Variants in NEB observed in about 807,000 individuals in gnomAD.
The protein encoded by NEB is nebulin.
NEB carries 512 observed loss-of-function variants against 952.2 expected under a neutral mutation model. The ratio of observed to expected loss-of-function variants is 0.54; its 90% CI spans 0.50 to 0.58. NEB has a LOEUF of 0.58. Among genes scored for constraint, NEB ranks in the 20% least tolerant of loss-of-function variants. The pLI is 0.00. For synonymous variants in NEB, 2,900 were observed against 3,149.8 expected (o/e 0.92, Z 2.66); for missense variants, 8,428 against 9,231.1 (o/e 0.91, Z 3.56).
intron 10 of NEB, among the ~76,000 whole-genome samples, chr2:151,713,106 C>T (rs1213204803): frequency 6.6e-6 from 1 of 152,120 alleles, no homozygotes; most frequent in Non-Finnish European, 1.5e-5. Flanking sequence ...TTGTTTCCCT[C>T]CTCCTCAGAG....
intron 136 of NEB, among the ~76,000 whole-genome samples, chr2:151,541,244 G>A (rs557976927): frequency 6.6e-6 from 1 of 152,198 alleles, no homozygotes; most frequent in Non-Finnish European, 1.5e-5. Flanking sequence ...GAAAGAAGAT[G>A]TGGCATCCCT....
intron 126 of NEB, 27 bp downstream of exon 126, chr2:151,553,801 G>A: frequency 6.3e-7 from 1 of 1,585,282 alleles, no homozygotes; most frequent in South Asian, 1.2e-5. Context: ...GGGCCGTGGA[G>A]GGGTACTTCT....
At chr2:151,721,524 T>A (rs939588858) in intron 9 of NEB, among the ~76,000 whole-genome samples, 1 of 152,230 alleles carries the variant, frequency 6.6e-6, no homozygotes, top group Admixed American at 6.5e-5. Context: ...CCACATGGCC[T>A]TCTCTGATTA....
chr2:151,710,855 A>G (rs2099742958), intron 10 of NEB, among the ~76,000 whole-genome samples: 1 of 152,212 alleles, frequency 6.6e-6, no homozygotes, highest in Non-Finnish European at 1.5e-5. Flanking sequence ...TCCTCTATTT[A>G]TATTTCAGTT....
chr2:151,665,484 A>G lies in NEB; in HGVS notation c.5087T>C (p.Ile1696Thr), dbSNP rs937014596. Reference sequence around the variant, plus strand: ...TGCCTTCTCCACCTCCAGGGACTCTATGGGCACCCAGCCGATCCCTTTCAT... The same window carrying G: ...TGCCTTCTCCACCTCCAGGGACTCTGTGGGCACCCAGCCGATCCCTTTCAT... ...NWMKGIGWVPIESLEVEKAKK... is the reference protein window; with the variant it reads ...NWMKGIGWVPTESLEVEKAKK... Residue 1696 changes from isoleucine (I) to threonine (T), a missense_variant, in exon 42 of 182, where the codon ATA (isoleucine) becomes ACA (threonine). By Grantham distance (89) the Ile-to-Thr change is moderately conservative (BLOSUM62 -1). Transcript: ENST00000397345. 9 of 1,612,502 alleles carry G rather than the reference A, an allele frequency of 5.6e-6. No homozygotes were observed. Among genetic ancestry groups the G allele is most frequent in the Non-Finnish European group, 7.6e-6 (9 of 1,179,416 alleles).
chr2:151,514,778 T>C (rs1332788454), intron 158 of NEB, 40 bp downstream of exon 158: 1 of 1,350,062 alleles, frequency 7.4e-7, no homozygotes, highest in Non-Finnish European at 1.0e-6. Context: ...AGTGCAATTA[T>C]TTGGATTAAG....
Position 151,549,733 on chromosome 2 carries a change from T to C in NEB, c.19952A>G (p.Tyr6651Cys), listed in dbSNP as rs1230676798. ...HAYKLQSSNL[Y>C]KTSLRTLPTG... is the part of the protein sequence containing the mutation. Reference sequence around the variant, plus strand: ...GGGCAGGGTGCGCAGGCTGGTTTTGTATAGATTCTGCAGGAATGAGGAAGA... The same window carrying C: ...GGGCAGGGTGCGCAGGCTGGTTTTGCATAGATTCTGCAGGAATGAGGAAGA... The change falls in exon 130 of 182, where the codon TAC becomes TGC. Residue 6651 changes from tyrosine (Y) to cysteine (C), a missense_variant. This residue lies in a region of NEB where 3,374 missense variants were observed against 3,651.5 expected (regional missense o/e 0.92). Transcript: ENST00000397345. 1 of 1,577,398 alleles carries C rather than the reference T, an allele frequency of 6.3e-7. No homozygotes were observed. The highest frequency in any genetic ancestry group is 8.6e-7 in the Non-Finnish European group (1 of 1,159,044).
intron 171 of NEB, 67 bp from the exon 172 acceptor site, chr2:151,497,100 G>GGGTAA (rs1207657643): frequency 1.7e-5 from 26 of 1,513,170 alleles, no homozygotes; most frequent in Non-Finnish European, 2.0e-5. Flanking sequence ...AAGGTTTTAA[G>GGGTAA]GGTAAGGTCA....
In NEB at chr2:151,527,406, T is replaced by C. The variant is rs557311446; in HGVS notation, c.21840+75A>G. 6 of 1,129,452 alleles carry C rather than the reference T, an allele frequency of 5.3e-6. 1 individual carries two copies. The South Asian group carries it at 7.3e-5, about 14-fold the overall frequency. The allele number at this position is 1,129,452 out of a possible 1,614,324, so 70.0% of individuals were successfully genotyped here. Reference sequence around the variant, plus strand: ...AAGGGTTAACACTCATGATAGTGGTTATTATAAATAATTATTCATTGTATT... The same window carrying C: ...AAGGGTTAACACTCATGATAGTGGTCATTATAAATAATTATTCATTGTATT... On this transcript the variant is annotated intron_variant, in intron 147 of 181. Coordinates refer to ENST00000397345, the MANE Select transcript of NEB (RefSeq NM_001164508.2).
Position 151,633,721 on chromosome 2 carries a change from T to C in NEB, c.9347A>G (p.Glu3116Gly). ...GCTCTGGTCAGGCAGGCATGTCCAC[T>C]CGTGCAGGTAGTTCTTATAGTCCAC... ...SDVDYKNYLH[E>G]WTCLPDQSDV... The change falls in exon 65 of 182, where the codon GAG (glutamate) becomes GGG (glycine). Residue 3116 changes from glutamate to glycine, a missense_variant. Physicochemically the swap from Glu to Gly is moderately conservative, Grantham distance 98. Around this residue, in one of 11 missense-constraint regions of NEB, gnomAD observed 1,772 missense variants for 1,960.3 expected, o/e 0.90. Transcript: ENST00000397345. The C allele has an allele frequency of 1.9e-6, 3 of 1,613,998 alleles. No homozygotes were observed. The highest frequency in any genetic ancestry group is 2.5e-6 in the Non-Finnish European group (3 of 1,179,892).
chr2:151,551,347 T>C (rs573812402), intron 129 of NEB, among the ~76,000 whole-genome samples: 2 of 152,256 alleles, frequency 1.3e-5, no homozygotes, highest in East Asian at 3.9e-4. Flanking sequence ...TAACATAGAA[T>C]AGGTAGGTTA....
At chr2:151,660,699 C>T (rs1032311796) in intron 46 of NEB, among the ~76,000 whole-genome samples, 2 of 152,156 alleles carry the variant, frequency 1.3e-5, no homozygotes, top group African/African-American at 2.4e-5. Context: ...CTCAACTCTG[C>T]TGTTGTAGTC....
At position 151,524,654 on chromosome 2, in the gene NEB, CTTTTTTTTTTTTTTT is replaced by C. The variant is rs5835371; in HGVS notation, c.22273-53_22273-39del. The C allele has an allele frequency of 2.7e-4, 70 of 257,384 alleles. 2 individuals carry two copies. The highest frequency in any genetic ancestry group is 1.5e-3 in the Middle Eastern group (1 of 684). The allele number at this position is 257,384 out of a possible 1,614,324, so 15.9% of individuals were successfully genotyped here. On this transcript the variant is annotated intron_variant, in intron 151 of 181. Transcript: ENST00000397345. Reference sequence around the variant, plus strand: ...AGAAAATGTTTACTCAAGAGAGAGGCTTTTTTTTTTTTTTTTTTTTTTTTTTTTTTGAGATGGAAT... The same window carrying C: ...AGAAAATGTTTACTCAAGAGAGAGGCTTTTTTTTTTTTTTTGAGATGGAAT...
At position 151,704,604 on chromosome 2, in the gene NEB, G is replaced by A. The variant is rs142705808; in HGVS notation, c.1152+2277C>T. 7.0e-3 allele frequency among the ~76,000 whole-genome samples: 1,069 copies of A among 152,322 alleles called. 19 individuals are homozygous for A. Among genetic ancestry groups the A allele is most frequent in the East Asian group, 0.062 (320 of 5,174 alleles). The stretch of plus-strand genomic sequence containing the variant: ...CCGGTCAGAAAAGCGCAATATTCGG[G>A]AGGGAGTGACCCGATTTTCCAGGTG... On this transcript the variant is annotated intron_variant, in intron 13 of 181. Transcript: ENST00000397345.
rs2098817739 is a variant in NEB, at chr2:151,639,289, G to A, written c.8985C>T (p.Asn2995=). The A allele has an allele frequency of 1.3e-6, 2 of 1,539,260 alleles. No homozygotes were observed. The highest frequency in any genetic ancestry group is 1.7e-6 in the Non-Finnish European group (2 of 1,145,054). Residue 2995 remains asparagine, a synonymous_variant, in exon 63 of 182, where the codon AAC becomes AAT. Transcript: ENST00000397345. ...AAGAATCTGCTCTCACCTCACTGTA[G>A]TTGATTTTGTTCATTCTTGCCAACA... The part of the protein sequence containing the change: ...EIMLARMNKI[N]YSESLYKLAN...
intron 73 of NEB, 66 bp downstream of exon 73, chr2:151,619,385 G>T: frequency 6.9e-7 from 1 of 1,458,614 alleles, no homozygotes; most frequent in Non-Finnish European, 9.3e-7. Context: ...ATTGGCACTA[G>T]TCAGAACTCA....
intron 168 of NEB, among the ~76,000 whole-genome samples, chr2:151,501,041 T>TTTTC: frequency 6.6e-6 from 1 of 152,332 alleles, no homozygotes; most frequent in Non-Finnish European, 1.5e-5. Context: ...GTCCAGTATC[T>TTTTC]TTTCTTGCAT....
rs931986294 is a variant in NEB, at chr2:151,526,817, G to A, written c.21945+101C>T. On this transcript the variant is annotated intron_variant, in intron 148 of 181. Transcript: ENST00000397345. ...CAGGACCCATACCTGAGCCCTGATG[G>A]AAGCAGCTCTTCTCCATCCTTCCCT... 3 of 879,672 alleles carry A rather than the reference G, an allele frequency of 3.4e-6. No individual in the cohort carries two copies. In the African/African-American group the frequency reaches 5.0e-5, roughly 15 times the overall value. 54.5% of individuals were successfully genotyped at this position (879,672 alleles called of 1,614,324 possible). A position where few individuals can be genotyped will look rare whatever the true frequency, so the allele number is the denominator to read the frequency against.
rs143691486 is a variant in NEB, at chr2:151,719,935, GGAC to G, written c.718-2418_718-2416del. ...AACTGAAGACTTCATTTTAGGCATA[GGAC>G]AACAGGATTTTTCATGGCTGGTTAA... On this transcript the variant is annotated intron_variant, in intron 9 of 181. Transcript: ENST00000397345. 9.8e-3 allele frequency among the ~76,000 whole-genome samples: 1,468 copies of G among 149,748 alleles called. 24 individuals carry two copies. The highest frequency in any genetic ancestry group is 0.034 in the African/African-American group (1,404 of 40,926).
Sources: gnomAD v4.1 joint callset for allele counts (sites outside exome capture counted in the v4.1 genomes callset) on GRCh38, gnomAD v4.1.1 for gene constraint, gnomAD v4.1.1 regional missense constraint, MANE v1.5 for transcripts, NCBI Gene and HGNC (gene_info 2026-07-23, HGNC 2026-07-21) for gene names.